The following IP6K1 variants were observed in gnomAD, a reference collection of about 807,000 sequenced individuals.
IP6K1 encodes inositol hexakisphosphate kinase 1, also known as ATP:1D-myo-inositol-hexakisphosphate phosphotransferase.
Under a neutral mutation model 38.3 loss-of-function variants are expected in IP6K1, and 13 were observed. The ratio of observed to expected loss-of-function variants is 0.34; its 90% CI spans 0.22 to 0.54. The LOEUF is 0.54. IP6K1 is among the 20% of genes least tolerant of loss of function. The pLI, the probability that IP6K1 is intolerant of heterozygous loss-of-function variation, is 0.92. For missense variants in IP6K1, 397 were observed against 599.8 expected (o/e 0.66, Z 3.53); for synonymous variants, 212 against 229.9 (o/e 0.92, Z 0.70).
At chr3:49,752,501 C>A (rs1193339537) in intron 1 of IP6K1, among the ~76,000 whole-genome samples, 6 of 132,402 alleles carry the variant, frequency 4.5e-5, no homozygotes, top group Non-Finnish European at 8.2e-5. Context: ...AAAAAAAAAA[C>A]CCAAGGAACC....
chr3:49,755,952 G>A (rs1212878250), intron 1 of IP6K1, among the ~76,000 whole-genome samples: 3 of 152,134 alleles, frequency 2.0e-5, no homozygotes, highest in African/African-American at 7.2e-5. Context: ...TGTACCGTGA[G>A]GAGAAGGGAA....
chr3:49,754,135 G>C (rs1049009340), intron 1 of IP6K1, among the ~76,000 whole-genome samples: 1 of 152,156 alleles, frequency 6.6e-6, no homozygotes, highest in Non-Finnish European at 1.5e-5. Flanking sequence ...GGGTGGCCAA[G>C]GCTGGAGGAT....
chr3:49,780,829 G>A (rs1440586828), intron 1 of IP6K1, among the ~76,000 whole-genome samples: 1 of 152,144 alleles, frequency 6.6e-6, no homozygotes, highest in African/African-American at 2.4e-5. Flanking sequence ...GCACTTCAAG[G>A]CAAGGCAGGG....
chr3:49,784,009 A>ATTAT (rs985294199), intron 1 of IP6K1, among the ~76,000 whole-genome samples: 17 of 151,732 alleles, frequency 1.1e-4, no homozygotes, highest in East Asian at 1.9e-4. Flanking sequence ...TATTTTATTT[A>ATTAT]TTATTTATTT....
At chr3:49,729,551 C>T (rs1276438499) in intron 4 of IP6K1, among the ~76,000 whole-genome samples, 1 of 151,060 alleles carries the variant, frequency 6.6e-6, no homozygotes, top group African/African-American at 2.4e-5. Flanking sequence ...GGATTACAGG[C>T]ATGTGCCACC....
At chr3:49,730,882 A>C (rs528914763) in intron 4 of IP6K1, among the ~76,000 whole-genome samples, 9 of 152,078 alleles carry the variant, frequency 5.9e-5, no homozygotes, top group Non-Finnish European at 1.2e-4. Flanking sequence ...ACACCTGGCT[A>C]ATTTTGTGTA....
intron 1 of IP6K1, among the ~76,000 whole-genome samples, chr3:49,781,762 G>C (rs2081067726): frequency 6.6e-6 from 1 of 152,000 alleles, no homozygotes; most frequent in Non-Finnish European, 1.5e-5. Flanking sequence ...TTCAGTGCAG[G>C]ATCTCCGTAG....
chr3:49,742,646 C>T (rs13090990), intron 2 of IP6K1, among the ~76,000 whole-genome samples: 2,892 of 152,274 alleles, frequency 0.019, 40 homozygotes, highest in Non-Finnish European at 0.028. Flanking sequence ...CATCTGTAAT[C>T]CCAGCACATT....
chr3:49,770,921 G>A (rs2080952216), intron 1 of IP6K1, among the ~76,000 whole-genome samples: 1 of 151,920 alleles, frequency 6.6e-6, no homozygotes, highest in Non-Finnish European at 1.5e-5. Flanking sequence ...ATCAGCCTGG[G>A]CAAATATGCT....
At chr3:49,755,010 G>A (rs2080810014) in intron 1 of IP6K1, among the ~76,000 whole-genome samples, 1 of 148,626 alleles carries the variant, frequency 6.7e-6, no homozygotes, top group Non-Finnish European at 1.5e-5. Flanking sequence ...CATCACTACA[G>A]CCTCGACCTC....
chr3:49,728,075 AC>A lies in IP6K1; in HGVS notation c.792+27del, dbSNP rs2080525636. On this transcript the variant is annotated intron_variant, in intron 5 of 5. Transcript: ENST00000321599. The stretch of plus-strand genomic sequence containing the variant: ...CAACCCAAATCATGCAAGTGGCAGC[AC>A]CTAGGCTCTGAGCAGAGGTAACTCA... The A allele has an allele frequency of 1.9e-6, 3 of 1,597,940 alleles. No homozygotes were observed. In the African/African-American group the frequency reaches 4.0e-5, roughly 21 times the overall value.
At chr3:49,753,668 G>A (rs933686041) in intron 1 of IP6K1, among the ~76,000 whole-genome samples, 1 of 152,042 alleles carries the variant, frequency 6.6e-6, no homozygotes, top group Non-Finnish European at 1.5e-5. Context: ...TATAACATAT[G>A]AAAAAGTGTT....
intron 1 of IP6K1, among the ~76,000 whole-genome samples, chr3:49,756,118 AT>A (rs1352987874): frequency 6.6e-6 from 1 of 152,190 alleles, no homozygotes; most frequent in African/African-American, 2.4e-5. Flanking sequence ...CTATGTTGCC[AT>A]TTGTCTCTAA....
Position 49,732,907 on chromosome 3 carries a change from A to G in IP6K1, c.500T>C (p.Leu167Pro). 2 of 1,614,126 alleles carry G rather than the reference A, an allele frequency of 1.2e-6. No individual in the cohort carries two copies. The highest frequency in any genetic ancestry group is 1.7e-6 in the Non-Finnish European group (2 of 1,179,982). The change falls in exon 4 of 6, where the codon CTA (leucine) becomes CCA (proline). Residue 167 changes from leucine to proline, a missense_variant. Leu to Pro is a moderately conservative substitution (Grantham distance 98). This residue lies in a region of IP6K1 where 171 missense variants were observed against 237.0 expected (regional missense o/e 0.72). Coordinates refer to ENST00000321599, the MANE Select transcript of IP6K1 (RefSeq NM_153273.4). ...HSHSEVPFQMLDGNSGLSSEK... is the reference protein window; with the variant it reads ...HSHSEVPFQMPDGNSGLSSEK... ...AGAACTCAAGCCACTGTTGCCATCT[A>G]GCATCTGGAAAGGGACCTCTGAGTG... is the stretch of plus-strand genomic sequence containing the variant.
chr3:49,730,946 T>C (rs1404305876), intron 4 of IP6K1, among the ~76,000 whole-genome samples: 1 of 152,100 alleles, frequency 6.6e-6, no homozygotes. Flanking sequence ...CAACCTCAGG[T>C]GATCTGCCGG....
chr3:49,754,843 T>A (rs940164776), intron 1 of IP6K1, among the ~76,000 whole-genome samples: 1 of 151,942 alleles, frequency 6.6e-6, no homozygotes, highest in African/African-American at 2.4e-5. Flanking sequence ...GTATATACTC[T>A]AAGAAGTTCA....
At chr3:49,745,634 C>G (rs532164805) in intron 2 of IP6K1, among the ~76,000 whole-genome samples, 6 of 152,124 alleles carry the variant, frequency 3.9e-5, no homozygotes, top group Non-Finnish European at 7.3e-5. Flanking sequence ...GCAGGCAAAT[C>G]ACCTAAAGTC....
At chr3:49,730,189 AGCC>A (rs1476283259) in intron 4 of IP6K1, among the ~76,000 whole-genome samples, 1 of 152,076 alleles carries the variant, frequency 6.6e-6, no homozygotes, top group Non-Finnish European at 1.5e-5. Context: ...CACCGCGCCC[AGCC>A]GCCTACCTAA....
intron 4 of IP6K1, among the ~76,000 whole-genome samples, chr3:49,731,865 G>A (rs924727380): frequency 4.6e-5 from 4 of 87,600 alleles, no homozygotes; most frequent in South Asian, 4.5e-4. Context: ...TTTGGCCTGG[G>A]TAACAGAGTG....
Sources: gnomAD v4.1 joint callset for allele counts (sites outside exome capture counted in the v4.1 genomes callset) on GRCh38, gnomAD v4.1.1 for gene constraint, gnomAD v4.1.1 regional missense constraint, MANE v1.5 for transcripts, NCBI Gene and HGNC (gene_info 2026-07-23, HGNC 2026-07-21) for gene names.